The following ANKAR variants were observed in gnomAD, a reference collection of about 807,000 sequenced individuals.
ANKAR encodes the protein ankyrin and armadillo repeat-containing protein.
Under a neutral mutation model 146.2 loss-of-function variants are expected in ANKAR, and 136 were observed. The observed-to-expected ratio is 0.93, with a 90% CI of 0.81 to 1.07. The LOEUF (loss-of-function observed/expected upper bound fraction) is 1.07, where lower values mean the gene tolerates loss of function less well. ANKAR is among the 50% of genes least tolerant of loss of function. The pLI is 0.00. For missense variants in ANKAR, 1,567 were observed against 1,679.9 expected, an observed-to-expected ratio of 0.93 and a Z score of 1.18; for synonymous variants, 500 against 575.8, an observed-to-expected ratio of 0.87 and a Z score of 1.88.
At chr2:189,680,833 C>G (rs2034542663) in intron 2 of ANKAR, among the ~76,000 whole-genome samples, 1 of 152,012 alleles carries the variant, frequency 6.6e-6, no homozygotes, top group Non-Finnish European at 1.5e-5. Flanking sequence ...TTAATTGAGA[C>G]TTGTTTTGTG....
chr2:189,713,035 TCA>T (rs2039924844), intron 10 of ANKAR, among the ~76,000 whole-genome samples: 1 of 151,386 alleles, frequency 6.6e-6, no homozygotes, highest in Non-Finnish European at 1.5e-5. Context: ...TGATTGAAGA[TCA>T]AATTAATGAA....
intron 12 of ANKAR, among the ~76,000 whole-genome samples, chr2:189,724,497 T>C (rs2041650461): frequency 6.6e-6 from 1 of 152,216 alleles, no homozygotes; most frequent in Non-Finnish European, 1.5e-5. Context: ...CCTTTCCTTT[T>C]GTTCGACAAG....
downstream of ANKAR, among the ~76,000 whole-genome samples, chr2:189,749,138 CGGG>C (rs1353366127): frequency 6.8e-6 from 1 of 145,986 alleles, no homozygotes; most frequent in Non-Finnish European, 1.5e-5. Flanking sequence ...CCCAGCTACT[CGGG>C]AGGCTGAGAC....
At chr2:189,685,397 T>TA (rs1386572160) in intron 2 of ANKAR, among the ~76,000 whole-genome samples, 8 of 152,132 alleles carry the variant, frequency 5.3e-5, no homozygotes, top group Admixed American at 3.3e-4. Context: ...TTCTTCTTGA[T>TA]AAAAAAATGG....
intron 12 of ANKAR, among the ~76,000 whole-genome samples, chr2:189,726,171 A>G (rs528840462): frequency 6.6e-6 from 1 of 152,322 alleles, no homozygotes; most frequent in South Asian, 2.1e-4. Flanking sequence ...TGATATTTAC[A>G]TGGTCTTAAA....
At chr2:189,731,830 A>G (rs1366732534) in intron 16 of ANKAR, among the ~76,000 whole-genome samples, 4 of 152,102 alleles carry the variant, frequency 2.6e-5, no homozygotes, top group African/African-American at 7.2e-5. Flanking sequence ...CCTCCTGAGT[A>G]GCTGTGACTA....
At chr2:189,678,134 C>T (rs1322447555) in intron 2 of ANKAR, among the ~76,000 whole-genome samples, 1 of 152,064 alleles carries the variant, frequency 6.6e-6, no homozygotes, top group African/African-American at 2.4e-5. Flanking sequence ...TATGGCCATT[C>T]TTGCGGGAGT....
At chr2:189,743,134 C>T in intron 20 of ANKAR, 141 bp from the exon 21 acceptor site, 2 of 718,508 alleles carry the variant, frequency 2.8e-6, no homozygotes, top group East Asian at 2.7e-5. Flanking sequence ...TCCGTCTATA[C>T]ACTGCCATTT....
chr2:189,740,652 A>G (rs2043239076), intron 19 of ANKAR, among the ~76,000 whole-genome samples: 1 of 152,052 alleles, frequency 6.6e-6, no homozygotes, highest in South Asian at 2.1e-4. Flanking sequence ...TAAAGTATTA[A>G]TAAGGCTTAA....
chr2:189,695,059 A>G lies in ANKAR; in HGVS notation c.1386A>G (p.Glu462=), dbSNP rs1327398313. ...CACAGTGGTGGGGAGCCATAAATGA[A>G]ATAGTGAACAATCTGAGACTGAAAA... ...YKTQWWGAIN[E]IVNNLRLKRL... is the part of the protein sequence containing the mutation. Residue 462 remains glutamate (E), a synonymous_variant, in exon 6 of 23, where the codon GAA becomes GAG. Coordinates refer to ENST00000684021, the MANE Select transcript of ANKAR (RefSeq NM_001378068.1). 3 of 1,612,984 alleles carry G rather than the reference A, an allele frequency of 1.9e-6. No homozygotes were observed. Among genetic ancestry groups the G allele is most frequent in the East Asian group, 2.2e-5 (1 of 44,774 alleles).
At chr2:189,738,529 A>C in intron 18 of ANKAR, 36 bp from the exon 19 acceptor site, 3 of 1,297,504 alleles carry the variant, frequency 2.3e-6, no homozygotes, top group Non-Finnish European at 3.3e-6. Context: ...TGAGTAGAAA[A>C]TGTTCAAAGA....
At chr2:189,762,917 T>C, downstream of ANKAR, 1 of 985,208 alleles carries the variant, frequency 1.0e-6, no homozygotes, top group Non-Finnish European at 1.2e-6. Context: ...CACCTGCATT[T>C]CCCCCAGATT....
In ANKAR at chr2:189,711,868, GA is replaced by G. The variant is rs78551465; in HGVS notation, c.2224+721del. On this transcript the variant is annotated intron_variant, in intron 10 of 22. Coordinates refer to ENST00000684021, the MANE Select transcript of ANKAR (RefSeq NM_001378068.1). Reference sequence around the variant, plus strand: ...AGGGAAGCTGTGACAGACTGTACCTGAAAAAACGGGGCATTCATGCCCAAAC... The same window carrying G: ...AGGGAAGCTGTGACAGACTGTACCTGAAAAACGGGGCATTCATGCCCAAAC... 4.5e-3 allele frequency among the ~76,000 whole-genome samples: 685 copies of G among 152,286 alleles called. 16 individuals are homozygous for G. Among genetic ancestry groups the G allele is most frequent in the East Asian group, 0.042 (218 of 5,184 alleles).
At chr2:189,706,835 G>A in intron 8 of ANKAR, 103 bp from the exon 9 acceptor site, 2 of 738,794 alleles carry the variant, frequency 2.7e-6, no homozygotes, top group Non-Finnish European at 4.4e-6. Context: ...AATAGAAGGT[G>A]GTGGTGTAAG....
At chr2:189,681,080 G>A (rs572074875) in intron 2 of ANKAR, among the ~76,000 whole-genome samples, 7 of 152,304 alleles carry the variant, frequency 4.6e-5, no homozygotes, top group Admixed American at 1.3e-4. Context: ...TTGAGAGGAC[G>A]TGGGACTGAT....
At chr2:189,705,275 TA>T (rs11319823) in intron 8 of ANKAR, 51 bp downstream of exon 8, 1,363,152 of 1,372,542 alleles carry the variant, frequency 0.99, 676,961 homozygotes, top group East Asian at 1. Context: ...TAGGCAATAA[TA>T]AAAAAAAAAG....
In ANKAR at chr2:189,711,139, G is replaced by A; in HGVS notation, c.2210G>A (p.Cys737Tyr). Residue 737 changes from cysteine to tyrosine, a missense_variant, in exon 10 of 23, where the codon TGT (cysteine) becomes TAT (tyrosine). By Grantham distance (194) the Cys-to-Tyr change is radical. Transcript: ENST00000684021. ...ICLANDQYWR[C>Y]ILDAGTIPAL... ...TTAGCAAATGATCAATACTGGAGAT[G>A]TATTTTGGATGCAGGTGATGCAAAC... 1 of 1,612,226 alleles carries A rather than the reference G, an allele frequency of 6.2e-7. No homozygotes were observed. Among genetic ancestry groups the A allele is most frequent in the East Asian group, 2.2e-5 (1 of 44,762 alleles).
At chr2:189,697,813 CT>C (rs532814450) in intron 7 of ANKAR, among the ~76,000 whole-genome samples, 16 of 152,168 alleles carry the variant, frequency 1.1e-4, no homozygotes, top group African/African-American at 3.9e-4. Context: ...AATATTATTG[CT>C]TAACCAACAC....
downstream of ANKAR, among the ~76,000 whole-genome samples, chr2:189,751,304 G>A (rs981228930): frequency 1.3e-5 from 2 of 152,136 alleles, no homozygotes; most frequent in Non-Finnish European, 1.5e-5. Context: ...TGAATCAGAG[G>A]ATATACTCTA....
Sources: gnomAD v4.1 joint callset for allele counts (sites outside exome capture counted in the v4.1 genomes callset) on GRCh38, gnomAD v4.1.1 for gene constraint, MANE v1.5 for transcripts, NCBI Gene and HGNC (gene_info 2026-07-23, HGNC 2026-07-21) for gene names.